The following DERA variants were observed in gnomAD, a reference collection of about 807,000 sequenced individuals.
DERA encodes the protein deoxyribose-phosphate aldolase, also known as 2-deoxy-D-ribose 5-phosphate aldolase.
Under a neutral mutation model 41.1 loss-of-function variants are expected in DERA, and 15 were observed. The observed-to-expected ratio is 0.37, with a 90% CI of 0.24 to 0.56. The LOEUF (loss-of-function observed/expected upper bound fraction) is 0.56, where lower values mean the gene tolerates loss of function less well. Ranked by LOEUF, DERA falls within the 20% of genes least tolerant of loss-of-function variation. The pLI, the probability that DERA is intolerant of heterozygous loss-of-function variation, is 0.81. For synonymous variants in DERA, 139 were observed against 137.4 expected (o/e 1.01, Z -0.08); for missense variants, 396 against 403.4 (o/e 0.98, Z 0.16).
chr12:16,000,019 A>G lies in DERA; in HGVS notation c.637+17583A>G, dbSNP rs1027016239. ...CCTGAACTGAGATGCAATGCAGGCA[A>G]TGCAGTGGGTATGGAGCAGAGTAGA... On this transcript the variant is annotated intron_variant, in intron 6 of 8. Transcript: ENST00000428559. The surrounding 1 kb of genome is among the most constrained non-coding windows in gnomAD (Gnocchi z 4.8). Among the ~76,000 whole-genome samples, 1 of 152,176 alleles carries G rather than the reference A, an allele frequency of 6.6e-6. No homozygotes were observed. Among genetic ancestry groups the G allele is most frequent in the African/African-American group, 2.4e-5 (1 of 41,440 alleles).
At position 16,001,079 on chromosome 12, in the gene DERA, C is replaced by T. The variant is rs1466012383; in HGVS notation, c.637+18643C>T. Among the ~76,000 whole-genome samples the T allele has an allele frequency of 6.6e-6, 1 of 152,064 alleles. No individual in the cohort carries two copies. The highest frequency in any genetic ancestry group is 1.5e-5 in the Non-Finnish European group (1 of 68,030). ...TTCTGCTGGAGTTATTTTTGAAGTACATCTATCATTTTCATTTTCTGTCCA... is the reference window on the plus strand; with the variant it reads ...TTCTGCTGGAGTTATTTTTGAAGTATATCTATCATTTTCATTTTCTGTCCA... On this transcript the variant is annotated intron_variant, in intron 6 of 8. Transcript: ENST00000428559. This position sits in a 1 kb window ranked among gnomAD's most constrained non-coding sequence, Gnocchi z 4.1.
chr12:15,965,242 C>T lies in DERA; in HGVS notation c.508+2295C>T, dbSNP rs1450206235. ...CAGTTTTAAATCCAGGGCCCTCTCC[C>T]TTGTGCAGTGAGGTTTGTAGGATAT... is the stretch of plus-strand genomic sequence containing the variant. On this transcript the variant is annotated intron_variant, in intron 5 of 8. Coordinates refer to ENST00000428559, the MANE Select transcript of DERA (RefSeq NM_015954.4). The surrounding 1 kb of genome is among the most constrained non-coding windows in gnomAD (Gnocchi z 4.1). Among the ~76,000 whole-genome samples the T allele has an allele frequency of 6.6e-6, 1 of 152,162 alleles. No homozygotes were observed. Among genetic ancestry groups the T allele is most frequent in the Non-Finnish European group, 1.5e-5 (1 of 68,040 alleles).
rs914200570 is a variant in DERA, at chr12:15,993,247, C to T, written c.637+10811C>T. The stretch of plus-strand genomic sequence containing the variant: ...TGGGAAACGCTATGACTGAATGAAA[C>T]CAAAACACTAAAAAAATGTGGTGAT... On this transcript the variant is annotated intron_variant, in intron 6 of 8. Coordinates refer to ENST00000428559, the MANE Select transcript of DERA (RefSeq NM_015954.4). The surrounding 1 kb of genome is among the most constrained non-coding windows in gnomAD (Gnocchi z 4.4). 6.7e-6 allele frequency among the ~76,000 whole-genome samples: 1 copy of T among 149,580 alleles called. No individual in the cohort carries two copies. Among genetic ancestry groups the T allele is most frequent in the African/African-American group, 2.6e-5 (1 of 39,182 alleles).
chr12:16,016,683 G>A (rs995295510), intron 6 of DERA, among the ~76,000 whole-genome samples: 3 of 150,656 alleles, frequency 2.0e-5, no homozygotes, highest in African/African-American at 2.4e-5. Flanking sequence ...TCCCAGCTAC[G>A]TGGAGGGCTG....
intron 1 of DERA, among the ~76,000 whole-genome samples, chr12:15,932,020 G>C (rs1948331675): frequency 6.6e-6 from 1 of 152,174 alleles, no homozygotes; most frequent in Non-Finnish European, 1.5e-5. Context: ...GCAGCCTACA[G>C]AACTGTAAGC....
rs1306642143 is a variant in DERA, at chr12:15,989,242, C to T, written c.637+6806C>T. Reference sequence around the variant, plus strand: ...CACGGAGTGTGCAGCCCTAGCCACGCCTCCCCCGCTGCAACTGGCATCCCC... The same window carrying T: ...CACGGAGTGTGCAGCCCTAGCCACGTCTCCCCCGCTGCAACTGGCATCCCC... On this transcript the variant is annotated intron_variant, in intron 6 of 8. Coordinates refer to ENST00000428559, the MANE Select transcript of DERA (RefSeq NM_015954.4). This position sits in a 1 kb window ranked among gnomAD's most constrained non-coding sequence, Gnocchi z 5.2. 6.6e-6 allele frequency among the ~76,000 whole-genome samples: 1 copy of T among 152,206 alleles called. No homozygotes were observed. The highest frequency in any genetic ancestry group is 1.5e-5 in the Non-Finnish European group (1 of 68,028).
chr12:15,930,820 G>C (rs1948322177), intron 1 of DERA, among the ~76,000 whole-genome samples: 2 of 152,048 alleles, frequency 1.3e-5, no homozygotes, highest in Admixed American at 6.5e-5. Context: ...GAGAGGTCTT[G>C]TATTACCTTA....
At position 15,967,886 on chromosome 12, in the gene DERA, T is replaced by C. The variant is rs140213737; in HGVS notation, c.508+4939T>C. Among the ~76,000 whole-genome samples, 411 of 152,338 alleles carry C rather than the reference T, an allele frequency of 2.7e-3. No homozygotes were observed. Among genetic ancestry groups the C allele is most frequent in the South Asian group, 4.8e-3 (23 of 4,828 alleles). On this transcript the variant is annotated intron_variant, in intron 5 of 8. Coordinates refer to ENST00000428559, the MANE Select transcript of DERA (RefSeq NM_015954.4). The surrounding 1 kb of genome is among the most constrained non-coding windows in gnomAD (Gnocchi z 4.9). ...AAATTACAATACCTGACAAACATTT[T>C]CAAATGATTTGCCCCAGCTGCTTTC... is the stretch of plus-strand genomic sequence containing the variant.
rs1948747533 is a variant in DERA at position 15,983,841 on chromosome 12, T to C, written c.637+1405T>C. Among the ~76,000 whole-genome samples the C allele has an allele frequency of 6.6e-6, 1 of 152,120 alleles. No individual in the cohort carries two copies. On this transcript the variant is annotated intron_variant, in intron 6 of 8. Transcript: ENST00000428559. The surrounding 1 kb of genome is among the most constrained non-coding windows in gnomAD (Gnocchi z 6.2). ...GCACAACTGCTGTATCTAGAAAATA[T>C]CTGCAGTTGTTATCTGAGAGCAAAA... is the stretch of plus-strand genomic sequence containing the variant.
intron 6 of DERA, among the ~76,000 whole-genome samples, chr12:16,018,782 A>T (rs1949000659): frequency 6.6e-6 from 1 of 152,140 alleles, no homozygotes. Context: ...AGGAAAATAA[A>T]AAATACAATT....
rs1462303435 is a variant in DERA, at chr12:15,983,999, G to A, written c.637+1563G>A. On this transcript the variant is annotated intron_variant, in intron 6 of 8. Coordinates refer to ENST00000428559, the MANE Select transcript of DERA (RefSeq NM_015954.4). The surrounding 1 kb of genome is among the most constrained non-coding windows in gnomAD (Gnocchi z 6.2). ...GGAACCTGGGAAAAGCCCCTTGGAG[G>A]CTACTTGGTGTACAGGTAGCCCCCC... Among the ~76,000 whole-genome samples the A allele has an allele frequency of 1.3e-5, 2 of 152,182 alleles. No homozygotes were observed. Among genetic ancestry groups the A allele is most frequent in the Non-Finnish European group, 2.9e-5 (2 of 68,024 alleles).
rs1253656787 is a variant in DERA, at chr12:16,035,104, C to A, written c.751-1128C>A. On this transcript the variant is annotated intron_variant, in intron 7 of 8. Transcript: ENST00000428559. The surrounding 1 kb of genome is among the most constrained non-coding windows in gnomAD (Gnocchi z 4.1). ...ATTTCCTGTGAGAATTGATAAGGGT[C>A]TAAACTGAAACAAGTGAGAGTGCAG... Among the ~76,000 whole-genome samples the A allele has an allele frequency of 2.0e-5, 3 of 152,098 alleles. No individual in the cohort carries two copies. Among genetic ancestry groups the A allele is most frequent in the Non-Finnish European group, 4.4e-5 (3 of 68,030 alleles).
At chr12:15,977,131 G>C (rs1948702603) in intron 5 of DERA, among the ~76,000 whole-genome samples, 1 of 152,038 alleles carries the variant, frequency 6.6e-6, no homozygotes, top group Admixed American at 6.5e-5. Flanking sequence ...TTTTCCCCTA[G>C]AAGAATGAAA....
chr12:15,994,870 A>T lies in DERA; in HGVS notation c.637+12434A>T, dbSNP rs1360571151. 1.3e-5 allele frequency among the ~76,000 whole-genome samples: 2 copies of T among 152,244 alleles called. No homozygotes were observed. The highest frequency in any genetic ancestry group is 4.8e-5 in the African/African-American group (2 of 41,468). On this transcript the variant is annotated intron_variant, in intron 6 of 8. Transcript: ENST00000428559. This position sits in a 1 kb window ranked among gnomAD's most constrained non-coding sequence, Gnocchi z 4.8. The stretch of plus-strand genomic sequence containing the variant: ...AATGAATAAATGAAAAAAGAGTAAT[A>T]AATCATGTGAAGTTGGTAGTTTATA...
intron 1 of DERA, among the ~76,000 whole-genome samples, chr12:15,937,839 C>T (rs183402069): frequency 6.6e-6 from 1 of 152,266 alleles, no homozygotes; most frequent in Admixed American, 6.5e-5. Flanking sequence ...CAGGGCTTCC[C>T]CAAATTACCA....
chr12:15,972,950 A>G lies in DERA; in HGVS notation c.509-9358A>G, dbSNP rs541064290. Among the ~76,000 whole-genome samples, 1 of 152,314 alleles carries G rather than the reference A, an allele frequency of 6.6e-6. No individual in the cohort carries two copies. Among genetic ancestry groups the G allele is most frequent in the South Asian group, 2.1e-4 (1 of 4,830 alleles). On this transcript the variant is annotated intron_variant, in intron 5 of 8. Coordinates refer to ENST00000428559, the MANE Select transcript of DERA (RefSeq NM_015954.4). This position sits in a 1 kb window ranked among gnomAD's most constrained non-coding sequence, Gnocchi z 4.4. ...ACCTGATTTGGATGCTGTTTCAAAC[A>G]TGCAGTCTGACCCCTTTCCCTCCTT...
rs1949054726 is a variant in DERA at position 16,026,580 on chromosome 12, G to T, written c.638-5962G>T. Among the ~76,000 whole-genome samples the T allele has an allele frequency of 6.7e-6, 1 of 149,618 alleles. No homozygotes were observed. Among genetic ancestry groups the T allele is most frequent in the Non-Finnish European group, 1.5e-5 (1 of 67,374 alleles). On this transcript the variant is annotated intron_variant, in intron 6 of 8. Coordinates refer to ENST00000428559, the MANE Select transcript of DERA (RefSeq NM_015954.4). This position sits in a 1 kb window ranked among gnomAD's most constrained non-coding sequence, Gnocchi z 4.4. ...ATTTAATGTGACTTTTACATAAATT[G>T]TAAATATATTTACACATTTATGTAA...
In DERA at chr12:15,957,676, T is replaced by C. The variant is rs1247624497; in HGVS notation, c.130-512T>C. Among the ~76,000 whole-genome samples, 1 of 152,190 alleles carries C rather than the reference T, an allele frequency of 6.6e-6. No individual in the cohort carries two copies. Among genetic ancestry groups the C allele is most frequent in the Non-Finnish European group, 1.5e-5 (1 of 68,026 alleles). On this transcript the variant is annotated intron_variant, in intron 2 of 8. Transcript: ENST00000428559. The surrounding 1 kb of genome is among the most constrained non-coding windows in gnomAD (Gnocchi z 4.8). ...CTTAGAAATATTCTGGTTGAAAAGG[T>C]AAAATAAAATTCATCAGACTGAGTT...
rs974903362 is a variant in DERA at position 15,994,561 on chromosome 12, C to T, written c.637+12125C>T. Among the ~76,000 whole-genome samples, 1 of 152,350 alleles carries T rather than the reference C, an allele frequency of 6.6e-6. No individual in the cohort carries two copies. Among genetic ancestry groups the T allele is most frequent in the Admixed American group, 6.5e-5 (1 of 15,306 alleles). On this transcript the variant is annotated intron_variant, in intron 6 of 8. Transcript: ENST00000428559. The surrounding 1 kb of genome is among the most constrained non-coding windows in gnomAD (Gnocchi z 4.8). ...CTCTGCCTCCCGGGTTCACGCCATT[C>T]TCCTGCCTCAGCCTCCTGAATAGCT...
Sources: gnomAD v4.1 joint callset for allele counts (sites outside exome capture counted in the v4.1 genomes callset) on GRCh38, gnomAD v4.1.1 for gene constraint, Gnocchi (gnomAD v3.1) non-coding constraint, MANE v1.5 for transcripts, NCBI Gene and HGNC (gene_info 2026-07-23, HGNC 2026-07-21) for gene names.